The following CCAR2 variants were observed in gnomAD, a reference collection of about 807,000 sequenced individuals.
CCAR2 encodes cell cycle and apoptosis regulator 2.
In CCAR2, 21 loss-of-function variants were observed where a neutral mutation model predicts 108.1. That is an observed-to-expected ratio of 0.19 (90% confidence interval 0.14 to 0.28). CCAR2 has a LOEUF of 0.28. Among genes scored for constraint, CCAR2 ranks in the 10% least tolerant of loss-of-function variants. The pLI is 1.00. For synonymous variants in CCAR2, 577 were observed against 472.8 expected, an observed-to-expected ratio of 1.22 and a Z score of -2.86; for missense variants, 1,126 against 1,177.0, an observed-to-expected ratio of 0.96 and a Z score of 0.63.
Position 22,619,674 on chromosome 8 carries a change from A to AGCAACTGACGGCCTCGCACG in CCAR2, c.2766_*13dup. The AGCAACTGACGGCCTCGCACG allele has an allele frequency of 6.4e-7, 1 of 1,573,950 alleles. No homozygotes were observed. The highest frequency in any genetic ancestry group is 8.6e-7 in the Non-Finnish European group (1 of 1,159,236). On this transcript the variant is annotated stop_gained and frameshift_variant, in exon 21 of 21. Transcript: ENST00000308511. LOFTEE classifies it high-confidence loss of function. ...GGTGGAGAAGGAGGAGCCGGCACCT[A>AGCAACTGACGGCCTCGCACG]GCAACTGACGGCCTCGCACGGAACT... is the stretch of plus-strand genomic sequence containing the variant.
chr8:22,617,542 G>T lies in CCAR2; in HGVS notation c.1968G>T (p.Arg656Ser), dbSNP rs1164234008. Residue 656 changes from arginine to serine, a missense_variant, in exon 15 of 21, where the codon AGG becomes AGT. This residue lies in a region of CCAR2 where 1,013 missense variants were observed against 993.9 expected (regional missense o/e 1.02). Transcript: ENST00000308511. ...TGGACCCAGAACTGTTGCTTCTGAG[G>T]GATGATGGAGAGGAGGAGTTTGGTA... The part of the protein sequence containing the change: ...MALDPELLLL[R>S]DDGEEEFAGA... 1.9e-6 allele frequency: 3 copies of T among 1,600,528 alleles called. No individual in the cohort carries two copies. The highest frequency in any genetic ancestry group is 2.6e-6 in the Non-Finnish European group (3 of 1,172,328).
At chr8:22,607,608 C>T (rs999399453) in intron 6 of CCAR2, among the ~76,000 whole-genome samples, 1 of 151,664 alleles carries the variant, frequency 6.6e-6, no homozygotes, top group African/African-American at 2.4e-5. Flanking sequence ...GCTGGGATTA[C>T]AGGCGCCCGC....
At chr8:22,607,073 C>T in intron 5 of CCAR2, 49 bp downstream of exon 5, 1 of 1,608,950 alleles carries the variant, frequency 6.2e-7, no homozygotes, top group Non-Finnish European at 8.5e-7. Flanking sequence ...GGGATGGAAG[C>T]CCCTGTGCCC....
At position 22,612,911 on chromosome 8, in the gene CCAR2, T is replaced by C. The variant is rs1801346044; in HGVS notation, c.585-106T>C. 7.3e-6 allele frequency: 9 copies of C among 1,240,776 alleles called. No individual in the cohort carries two copies. In the South Asian group the frequency reaches 1.3e-4, roughly 18 times the overall value. 76.9% of individuals were successfully genotyped at this position (1,240,776 alleles called of 1,614,324 possible). ...TGTTAGCATGGATTCTTTTTCCATT[T>C]ATTGAATGTGAGGGATTTCGATTGT... On this transcript the variant is annotated intron_variant, in intron 7 of 20. Transcript: ENST00000308511.
intron 10 of CCAR2, 96 bp from the exon 11 acceptor site, chr8:22,614,742 C>CTGCTGCCTTCATCCTGACGGGT (rs71299322): frequency 1.7e-5 from 25 of 1,497,508 alleles, no homozygotes; most frequent in Non-Finnish European, 2.3e-5. Context: ...TCCCCACTTC[C>CTGCTGCCTTCATCCTGACGGGT]GGCTGCCTTC....
intron 7 of CCAR2, among the ~76,000 whole-genome samples, chr8:22,612,517 T>TG (rs1801325332): frequency 7.1e-6 from 1 of 140,004 alleles, no homozygotes; most frequent in Non-Finnish European, 1.6e-5. Flanking sequence ...CTGCCCGCCT[T>TG]GGCCTCCCAA....
At position 22,618,331 on chromosome 8, in the gene CCAR2, T is replaced by A. The variant is rs779879289; in HGVS notation, c.2074-18T>A. 25 of 1,613,990 alleles carry A rather than the reference T, an allele frequency of 1.5e-5. No homozygotes were observed. Among genetic ancestry groups the A allele is most frequent in the Non-Finnish European group, 8.5e-7 (1 of 1,179,958 alleles). The stretch of plus-strand genomic sequence containing the variant: ...GGGAACTATTTGCAAATCCTGCTCA[T>A]CTTTGTTTTCTTTGCAGCCCAAGGA... On this transcript the variant is annotated intron_variant, in intron 16 of 20. Transcript: ENST00000308511.
chr8:22,619,389 T>G, intron 20 of CCAR2, 34 bp downstream of exon 20: 1 of 1,545,236 alleles, frequency 6.5e-7, no homozygotes, highest in Non-Finnish European at 8.7e-7. Flanking sequence ...GCAGCACAGC[T>G]CCTTTCCCTG....
At position 22,613,070 on chromosome 8, in the gene CCAR2, G is replaced by T; in HGVS notation, c.638G>T (p.Gly213Val). ...RKQRAGGEPWGAKKPRHDLPP... is the reference protein window; with the variant it reads ...RKQRAGGEPWVAKKPRHDLPP... ...CAGCGGGCTGGTGGAGAGCCCTGGG[G>T]TGCTAAGAAGCCAAGGCATGACCTG... The change falls in exon 8 of 21, where the codon GGT (glycine) becomes GTT (valine). Residue 213 changes from glycine to valine, a missense_variant. Coordinates refer to ENST00000308511, the MANE Select transcript of CCAR2 (RefSeq NM_001393997.1). 5 of 1,613,208 alleles carry T rather than the reference G, an allele frequency of 3.1e-6. No individual in the cohort carries two copies. The highest frequency in any genetic ancestry group is 4.2e-6 in the Non-Finnish European group (5 of 1,179,774).
In CCAR2 at chr8:22,606,068, C is replaced by T. The variant is rs201164894; in HGVS notation, c.59-17C>T. 2.5e-6 allele frequency: 4 copies of T among 1,607,682 alleles called. No individual in the cohort carries two copies. In the African/African-American group the frequency reaches 4.0e-5, roughly 16 times the overall value. ...TGGTAGGGGCGGTTCCTGGAGATTG[C>T]TTCTCTTTCCCCATAGGCACAGCTT... On this transcript the variant is annotated splice_polypyrimidine_tract_variant and intron_variant, in intron 2 of 20. Coordinates refer to ENST00000308511, the MANE Select transcript of CCAR2 (RefSeq NM_001393997.1).
At chr8:22,618,763 C>CGGGCA in intron 18 of CCAR2, 35 bp downstream of exon 18, 2 of 1,613,266 alleles carry the variant, frequency 1.2e-6, no homozygotes, top group Non-Finnish European at 1.7e-6. Flanking sequence ...TCCTGGGGCA[C>CGGGCA]GGGCAGGGCA....
intron 14 of CCAR2, among the ~76,000 whole-genome samples, chr8:22,616,951 G>A (rs1419094568): frequency 2.6e-5 from 2 of 78,258 alleles, no homozygotes; most frequent in Non-Finnish European, 4.0e-5. Flanking sequence ...GCGCAACCTC[G>A]GCTCACTGCA....
rs1465029131 is a variant in CCAR2, at chr8:22,619,191, A to G, written c.2563A>G (p.Lys855Glu). Reference protein sequence around the residue: ...NRFSATEVTNKTLAAEMQELR... With the variant: ...NRFSATEVTNETLAAEMQELR... Reference sequence around the variant, plus strand: ...TTTCTCAGCCACTGAAGTAACCAATAAGACGCTGGCGGCAGAGATGCAGGA... The same window carrying G: ...TTTCTCAGCCACTGAAGTAACCAATGAGACGCTGGCGGCAGAGATGCAGGA... The change falls in exon 20 of 21, where the codon AAG (lysine) becomes GAG (glutamate). Residue 855 changes from lysine to glutamate, a missense_variant. Transcript: ENST00000308511. 2 of 1,595,188 alleles carry G rather than the reference A, an allele frequency of 1.3e-6. No homozygotes were observed. The highest frequency in any genetic ancestry group is 1.8e-5 in the Admixed American group (1 of 55,792).
intron 7 of CCAR2, among the ~76,000 whole-genome samples, chr8:22,611,432 ATGTGTG>A (rs1010045074): frequency 6.9e-6 from 1 of 144,804 alleles, no homozygotes; most frequent in Non-Finnish European, 1.5e-5. Context: ...GTGTGTATAT[ATGTGTG>A]TGTGTATACA....
In CCAR2 at chr8:22,618,296, G is replaced by T. The variant is rs1801603310; in HGVS notation, c.2074-53G>T. 2.5e-6 allele frequency: 4 copies of T among 1,611,646 alleles called. No individual in the cohort carries two copies. In the African/African-American group the frequency reaches 4.0e-5, roughly 16 times the overall value. On this transcript the variant is annotated intron_variant, in intron 16 of 20. Coordinates refer to ENST00000308511, the MANE Select transcript of CCAR2 (RefSeq NM_001393997.1). ...TGGACAGGCTGAATCCTGGGCGATA[G>T]AGCCACTGAGGGAACTATTTGCAAA...
In CCAR2 at chr8:22,608,083, C is replaced by T. The variant is rs758992709; in HGVS notation, c.584+18C>T. ...GGCCGAAGGTAAGAGGATGATGTCC[C>T]TTTTTTTGGCCACTTGTTGACACTA... On this transcript the variant is annotated intron_variant, in intron 7 of 20. Coordinates refer to ENST00000308511, the MANE Select transcript of CCAR2 (RefSeq NM_001393997.1). The T allele has an allele frequency of 3.2e-6, 5 of 1,583,904 alleles. No homozygotes were observed. Among genetic ancestry groups the T allele is most frequent in the Middle Eastern group, 1.7e-4 (1 of 5,952 alleles).
At chr8:22,613,355 CTTTTTTT>C (rs5890057) in intron 8 of CCAR2, among the ~76,000 whole-genome samples, 2 of 125,844 alleles carry the variant, frequency 1.6e-5, no homozygotes, top group Admixed American at 1.6e-4. Context: ...AGATCTAGTT[CTTTTTTT>C]TTTTTTTTTT....
rs570854520 is a variant in CCAR2 at position 22,611,460 on chromosome 8, GTATA to G, written c.585-1549_585-1546del. The stretch of plus-strand genomic sequence containing the variant: ...TGTGTGTGTATACATATGTGTGTGT[GTATA>G]TATATATGTAAAAATATGTGTGGTT... On this transcript the variant is annotated intron_variant, in intron 7 of 20. Coordinates refer to ENST00000308511, the MANE Select transcript of CCAR2 (RefSeq NM_001393997.1). Among the ~76,000 whole-genome samples the G allele has an allele frequency of 8.0e-5, 12 of 150,422 alleles. No individual in the cohort carries two copies. The South Asian group carries it at 8.4e-4, about 11-fold the overall frequency.
Position 22,620,010 on chromosome 8 carries a change from A to C in CCAR2, c.*328A>C, listed in dbSNP as rs200808658. The C allele has an allele frequency of 1.3e-4, 48 of 360,600 alleles. No homozygotes were observed. In the South Asian group the frequency reaches 1.6e-3, roughly 12 times the overall value. The allele number at this position is 360,600 out of a possible 1,614,324, so 22.3% of individuals were successfully genotyped here. On this transcript the variant is annotated 3_prime_UTR_variant, in exon 21 of 21. Transcript: ENST00000308511. ...TTCTCCTGTCCTCTTCCAGTTTAGA[A>C]TAAGACAGGGGAGAAAAAGGCTTTT...
Sources: gnomAD v4.1 joint callset for allele counts (sites outside exome capture counted in the v4.1 genomes callset) on GRCh38, gnomAD v4.1.1 for gene constraint, gnomAD v4.1.1 regional missense constraint, MANE v1.5 for transcripts, NCBI Gene and HGNC (gene_info 2026-07-23, HGNC 2026-07-21) for gene names.